YME1L1: variants seen among roughly 807,000 people sequenced by gnomAD.
The protein encoded by YME1L1 is YME1 like 1 ATPase, also known as ATP-dependent zinc metalloprotease YME1L1.
In YME1L1, 39 loss-of-function variants were observed where a neutral mutation model predicts 90.4. The observed-to-expected ratio is 0.43, with a 90% CI of 0.33 to 0.56. YME1L1 has a LOEUF of 0.56. Ranked by LOEUF, YME1L1 falls within the 20% of genes least tolerant of loss-of-function variation. The probability of loss-of-function intolerance (pLI) is 0.03; values close to 1 mark genes in which losing one functional copy is unlikely to be tolerated. For missense variants in YME1L1, 617 were observed against 868.4 expected (o/e 0.71, Z 3.64); for synonymous variants, 284 against 287.3 (o/e 0.99, Z 0.12).
At chr10:27,151,902 T>TA (rs1189149730) in intron 1 of YME1L1, among the ~76,000 whole-genome samples, 1 of 145,474 alleles carries the variant, frequency 6.9e-6, no homozygotes, top group African/African-American at 2.5e-5. Context: ...AAAATTAAAA[T>TA]AAAAAAAAGT....
At chr10:27,116,166 C>CGT in intron 16 of YME1L1, 33 bp from the exon 17 acceptor site, 1 of 1,613,420 alleles carries the variant, frequency 6.2e-7, no homozygotes, top group Non-Finnish European at 8.5e-7. Flanking sequence ...CATTTTAAAA[C>CGT]ATATCTTTAA....
intron 12 of YME1L1, among the ~76,000 whole-genome samples, chr10:27,120,918 T>C (rs1162178539): frequency 6.6e-6 from 1 of 152,224 alleles, no homozygotes; most frequent in Non-Finnish European, 1.5e-5. Flanking sequence ...GACAAACTAC[T>C]GATCAAATGA....
chr10:27,133,401 A>T lies in YME1L1; in HGVS notation c.775+638T>A, dbSNP rs572041500. Among the ~76,000 whole-genome samples, 3 of 152,236 alleles carry T rather than the reference A, an allele frequency of 2.0e-5. No individual in the cohort carries two copies. The East Asian group carries it at 5.8e-4, about 29-fold the overall frequency. On this transcript the variant is annotated intron_variant, in intron 7 of 18. Transcript: ENST00000376016. ...AGCAATTTCTAATTTCCTCAGAAGAAGCCCAAAATACTGTTAAGATAGGCT... is the reference window on the plus strand; with the variant it reads ...AGCAATTTCTAATTTCCTCAGAAGATGCCCAAAATACTGTTAAGATAGGCT...
In YME1L1 at chr10:27,123,674, C is replaced by T. The variant is rs1406139925; in HGVS notation, c.975G>A (p.Gly325=). 16 of 1,605,512 alleles carry T rather than the reference C, an allele frequency of 1.0e-5. No homozygotes were observed. The highest frequency in any genetic ancestry group is 1.4e-5 in the Non-Finnish European group (16 of 1,177,410). Residue 325 remains glycine (G), a synonymous_variant, in exon 10 of 19, where the codon GGG becomes GGA. Transcript: ENST00000376016. ...PKGILLVGPP[G]TGKTLLARAV... Reference sequence around the variant, plus strand: ...CTCGGGCAAGAAGTGTCTTTCCAGTCCCTGGGGGTCCAACTAAAAGAATTC... The same window carrying T: ...CTCGGGCAAGAAGTGTCTTTCCAGTTCCTGGGGGTCCAACTAAAAGAATTC...
chr10:27,143,782 T>G (rs2057115444), intron 3 of YME1L1, among the ~76,000 whole-genome samples: 1 of 152,146 alleles, frequency 6.6e-6, no homozygotes. Context: ...AACTGCTGTT[T>G]CTTAGAGACA....
intron 3 of YME1L1, 123 bp downstream of exon 3, chr10:27,145,305 A>AT: frequency 1.2e-6 from 1 of 860,456 alleles, no homozygotes; most frequent in Non-Finnish European, 1.6e-6. Flanking sequence ...AAAAAACAAA[A>AT]AAAAAACACT....
At chr10:27,141,682 T>C (rs2057089354) in intron 4 of YME1L1, among the ~76,000 whole-genome samples, 1 of 151,864 alleles carries the variant, frequency 6.6e-6, no homozygotes, top group Admixed American at 6.6e-5. Context: ...TTTGCTAATT[T>C]ATCTAAAGGT....
Position 27,111,313 on chromosome 10 carries a change from CTG to C in YME1L1, c.*662_*663del, listed in dbSNP as rs1273656444. Reference sequence around the variant, plus strand: ...TCAGGTGATTTGCCCGCCTTGGCCTCTGAAAAGTGCTGGGATTACAGGCGTGA... The same window carrying C: ...TCAGGTGATTTGCCCGCCTTGGCCTCAAAAGTGCTGGGATTACAGGCGTGA... On this transcript the variant is annotated 3_prime_UTR_variant, in exon 19 of 19. Transcript: ENST00000376016. 6.5e-6 allele frequency: 1 copy of C among 153,100 alleles called. No individual in the cohort carries two copies. The highest frequency in any genetic ancestry group is 2.4e-5 in the African/African-American group (1 of 41,436). 9.5% of individuals were successfully genotyped at this position (153,100 alleles called of 1,614,324 possible).
At chr10:27,121,831 G>A (rs1206576130) in intron 11 of YME1L1, among the ~76,000 whole-genome samples, 3 of 151,374 alleles carry the variant, frequency 2.0e-5, no homozygotes, top group Non-Finnish European at 4.4e-5. Context: ...CATCTCCCAG[G>A]TTCAAGCAAT....
Position 27,145,487 on chromosome 10 carries a change from A to G in YME1L1, c.272T>C (p.Ile91Thr). Residue 91 changes from isoleucine to threonine, a missense_variant, in exon 3 of 19, where the codon ATT becomes ACT. Ile to Thr is a moderately conservative substitution (Grantham distance 89). This residue lies in a region of YME1L1 where 311 missense variants were observed against 335.8 expected (regional missense o/e 0.93). Transcript: ENST00000376016. ...ATGGGATGTATGCCAATGGGAAGAA[A>G]TGTTTTTGCCTTTACAAAATCCAGG... is the stretch of plus-strand genomic sequence containing the variant. Reference protein sequence around the residue: ...LLPGFCKGKNISSHWHTSHVS... With the variant: ...LLPGFCKGKNTSSHWHTSHVS... 1 of 1,613,546 alleles carries G rather than the reference A, an allele frequency of 6.2e-7. No homozygotes were observed. The highest frequency in any genetic ancestry group is 8.5e-7 in the Non-Finnish European group (1 of 1,179,654).
intron 9 of YME1L1, 100 bp from the exon 10 acceptor site, chr10:27,123,799 G>A: frequency 7.9e-7 from 1 of 1,263,774 alleles, no homozygotes; most frequent in Non-Finnish European, 1.1e-6. Flanking sequence ...TAATTTTCAG[G>A]CTGAGGTCAC....
Position 27,138,200 on chromosome 10 carries a change from T to A in YME1L1, c.431-1815A>T, listed in dbSNP as rs1055849387. ...TATGTCAGCACTAGGTTAAATTTTT[T>A]AATTTTAGTTATTTGTAATACTACA... On this transcript the variant is annotated intron_variant, in intron 4 of 18. Coordinates refer to ENST00000376016, the MANE Select transcript of YME1L1 (RefSeq NM_014263.4). Among the ~76,000 whole-genome samples the A allele has an allele frequency of 4.6e-5, 7 of 152,266 alleles. No homozygotes were observed. The South Asian group carries it at 6.2e-4, about 14-fold the overall frequency.
intron 1 of YME1L1, among the ~76,000 whole-genome samples, chr10:27,151,634 C>G (rs1299074306): frequency 1.3e-5 from 2 of 151,902 alleles, no homozygotes; most frequent in East Asian, 3.9e-4. Flanking sequence ...GTAATCCCAG[C>G]ACTCTGGGAG....
rs1280773010 is a variant in YME1L1, at chr10:27,140,165, A to T, written c.430+2222T>A. ...CAGGCATGTGCCACCACACCTGGCTAATTTTGTATTTCTTTTTTAGTGGAG... is the reference window on the plus strand; with the variant it reads ...CAGGCATGTGCCACCACACCTGGCTTATTTTGTATTTCTTTTTTAGTGGAG... On this transcript the variant is annotated intron_variant, in intron 4 of 18. Transcript: ENST00000376016. Among the ~76,000 whole-genome samples, 10 of 151,888 alleles carry T rather than the reference A, an allele frequency of 6.6e-5. No homozygotes were observed. The East Asian group carries it at 1.2e-3, about 18-fold the overall frequency.
chr10:27,132,044 T>A, intron 7 of YME1L1, 103 bp from the exon 8 acceptor site: 1 of 811,172 alleles, frequency 1.2e-6, no homozygotes, highest in Non-Finnish European at 2.0e-6. Flanking sequence ...ATTAAATGTC[T>A]AAGTGACCTA....
intron 1 of YME1L1, among the ~76,000 whole-genome samples, chr10:27,152,116 TGGG>T (rs2057226807): frequency 1.3e-5 from 2 of 151,904 alleles, no homozygotes; most frequent in South Asian, 4.1e-4. Context: ...CCTTACAGCC[TGGG>T]GGCAGTAAAA....
chr10:27,136,410 G>C, intron 4 of YME1L1, 25 bp from the exon 5 acceptor site: 1 of 1,569,986 alleles, frequency 6.4e-7, no homozygotes, highest in Non-Finnish European at 8.7e-7. Context: ...ACCATTCACT[G>C]TCACTATAAA....
In YME1L1 at chr10:27,117,531, G is replaced by C. The variant is rs773359268; in HGVS notation, c.1719+45C>G. On this transcript the variant is annotated intron_variant, in intron 15 of 18. Transcript: ENST00000376016. ...TGCAGTGAGCTGAGATCGCGCCATT[G>C]CACTCCAGCCTGGGTGACAGGGCGA... 3.8e-6 allele frequency: 6 copies of C among 1,596,748 alleles called. No homozygotes were observed. In the South Asian group the frequency reaches 6.7e-5, roughly 18 times the overall value.
At chr10:27,138,491 C>T (rs977610901) in intron 4 of YME1L1, among the ~76,000 whole-genome samples, 1 of 152,048 alleles carries the variant, frequency 6.6e-6, no homozygotes, top group Admixed American at 6.5e-5. Context: ...TCTTTCATTT[C>T]CTTCAGTAAA....
Sources: gnomAD v4.1 joint callset for allele counts (sites outside exome capture counted in the v4.1 genomes callset) on GRCh38, gnomAD v4.1.1 for gene constraint, gnomAD v4.1.1 regional missense constraint, MANE v1.5 for transcripts, NCBI Gene and HGNC (gene_info 2026-07-23, HGNC 2026-07-21) for gene names.